Variants in DPP10 observed in about 807,000 individuals in gnomAD.
DPP10 encodes the protein inactive dipeptidyl peptidase 10.
In DPP10, 33 loss-of-function variants were observed where a neutral mutation model predicts 120.9. The ratio of observed to expected loss-of-function variants is 0.27; its 90% CI spans 0.21 to 0.37. DPP10 has a LOEUF of 0.37. DPP10 is among the 10% of genes least tolerant of loss of function. The probability of loss-of-function intolerance (pLI) is 1.00; values close to 1 mark genes in which losing one functional copy is unlikely to be tolerated. For synonymous variants in DPP10, 337 were observed against 326.1 expected (o/e 1.03, Z -0.36); for missense variants, 816 against 942.8 (o/e 0.87, Z 1.76).
intron 3 of DPP10, among the ~76,000 whole-genome samples, chr2:115,481,529 T>C (rs1359160869): frequency 6.6e-6 from 1 of 152,136 alleles, no homozygotes; most frequent in Non-Finnish European, 1.5e-5. Context: ...CTGGGTTCAA[T>C]GAGGCTTTTT....
At chr2:115,579,291 A>G (rs1202110575) in intron 5 of DPP10, 1 of 152,212 alleles carries the variant, frequency 6.6e-6, no homozygotes, top group South Asian at 2.1e-4. Flanking sequence ...CACAGATGTG[A>G]CAACTGCCCC....
intron 5 of DPP10, among the ~76,000 whole-genome samples, chr2:115,678,327 G>C (rs58839648): frequency 0.053 from 8,026 of 152,308 alleles, 711 homozygotes; most frequent in African/African-American, 0.18. Context: ...CCCCTGCTGT[G>C]TGCAGCCTTG....
intron 1 of DPP10, among the ~76,000 whole-genome samples, chr2:115,252,768 C>A (rs186391055): frequency 6.6e-6 from 1 of 152,284 alleles, no homozygotes; most frequent in African/African-American, 2.4e-5. Context: ...TCTCTGGTCT[C>A]AAACTAATTG....
intron 2 of DPP10, among the ~76,000 whole-genome samples, chr2:115,317,548 A>G (rs1210541329): frequency 6.6e-6 from 1 of 152,104 alleles, no homozygotes; most frequent in Admixed American, 6.5e-5. Flanking sequence ...ACTATTTGCC[A>G]CAGCAGCTGA....
chr2:115,647,217 G>A (rs2087339334), intron 5 of DPP10, among the ~76,000 whole-genome samples: 1 of 152,052 alleles, frequency 6.6e-6, no homozygotes, highest in Non-Finnish European at 1.5e-5. Flanking sequence ...GGCTCCCTTT[G>A]GGTTTAACCG....
chr2:115,462,145 A>C (rs188465268), intron 3 of DPP10, among the ~76,000 whole-genome samples: 1 of 152,108 alleles, frequency 6.6e-6, no homozygotes, highest in South Asian at 2.1e-4. Flanking sequence ...CTGCTCTCCA[A>C]ACTTCTGTGA....
intron 5 of DPP10, among the ~76,000 whole-genome samples, chr2:115,595,350 A>G (rs541720742): frequency 1.3e-5 from 2 of 152,218 alleles, no homozygotes; most frequent in Non-Finnish European, 2.9e-5. Flanking sequence ...TTACTTTTCA[A>G]TAGCATATTA....
In DPP10 at chr2:115,799,427, T is replaced by A. The variant is rs537925011; in HGVS notation, c.1700+8071T>A. Among the ~76,000 whole-genome samples, 3 of 152,130 alleles carry A rather than the reference T, an allele frequency of 2.0e-5. No individual in the cohort carries two copies. The East Asian group carries it at 5.8e-4, about 29-fold the overall frequency. Reference sequence around the variant, plus strand: ...TTACACACTTCCTATGCTTTTATTTTTTCTTTTTTTATTAATATTATTATA... The same window carrying A: ...TTACACACTTCCTATGCTTTTATTTATTCTTTTTTTATTAATATTATTATA... On this transcript the variant is annotated intron_variant, in intron 19 of 25. Coordinates refer to ENST00000410059, the MANE Select transcript of DPP10 (RefSeq NM_020868.6).
At chr2:115,791,000 T>G in intron 17 of DPP10, 81 bp from the exon 18 acceptor site, 1 of 938,386 alleles carries the variant, frequency 1.1e-6, no homozygotes, top group Non-Finnish European at 1.6e-6. Flanking sequence ...TGGTAACAAG[T>G]GGATAATTTT....
chr2:114,985,208 T>C (rs1355640822), intron 1 of DPP10, among the ~76,000 whole-genome samples: 3 of 152,194 alleles, frequency 2.0e-5, no homozygotes, highest in Non-Finnish European at 2.9e-5. Flanking sequence ...ACACTGTCTC[T>C]TGACTTTGTA....
At chr2:114,882,274 C>A (rs1484076242) in intron 1 of DPP10, among the ~76,000 whole-genome samples, 7 of 151,834 alleles carry the variant, frequency 4.6e-5, no homozygotes. Context: ...TATCAGCCAA[C>A]AGGTGGATAA....
chr2:115,189,632 A>G (rs2054720601), intron 1 of DPP10, among the ~76,000 whole-genome samples: 1 of 152,180 alleles, frequency 6.6e-6, no homozygotes, highest in Non-Finnish European at 1.5e-5. Context: ...AGACTTCCTT[A>G]ACATGACTTG....
rs952211093 is a variant in DPP10 at position 114,889,099 on chromosome 2, G to T, written c.61-420140G>T. ...CATGTGAAAACACTAGAGAAGGATGGTCATCTACAAGCCAAGGAGAGAGGC... is the reference window on the plus strand; with the variant it reads ...CATGTGAAAACACTAGAGAAGGATGTTCATCTACAAGCCAAGGAGAGAGGC... On this transcript the variant is annotated intron_variant, in intron 1 of 25. Coordinates refer to ENST00000410059, the MANE Select transcript of DPP10 (RefSeq NM_020868.6). 4.6e-5 allele frequency among the ~76,000 whole-genome samples: 7 copies of T among 152,228 alleles called. No homozygotes were observed. The East Asian group carries it at 1.4e-3, about 29-fold the overall frequency.
At chr2:114,994,960 A>G (rs886339986) in intron 1 of DPP10, among the ~76,000 whole-genome samples, 1 of 150,066 alleles carries the variant, frequency 6.7e-6, no homozygotes, top group African/African-American at 2.5e-5. Context: ...ATTCTCAAGC[A>G]CTCCCTGTAT....
intron 1 of DPP10, among the ~76,000 whole-genome samples, chr2:114,897,884 T>C (rs1300201482): frequency 2.6e-5 from 4 of 151,688 alleles, no homozygotes; most frequent in Non-Finnish European, 5.9e-5. Context: ...ATAGGAACAC[T>C]TTTACACTGT....
chr2:114,929,442 C>T (rs958006815), intron 1 of DPP10, among the ~76,000 whole-genome samples: 2 of 152,154 alleles, frequency 1.3e-5, no homozygotes, highest in African/African-American at 4.8e-5. Context: ...ATAAGACAGA[C>T]ACTCCCAGAG....
At chr2:115,107,884 A>C (rs114523779) in intron 1 of DPP10, among the ~76,000 whole-genome samples, 1,778 of 152,266 alleles carry the variant, frequency 0.012, 38 homozygotes, top group African/African-American at 0.041. Context: ...TATTAATATA[A>C]TCTCATCTTT....
At chr2:115,708,374 C>T (rs1488952951) in intron 7 of DPP10, among the ~76,000 whole-genome samples, 2 of 151,784 alleles carry the variant, frequency 1.3e-5, no homozygotes, top group Admixed American at 6.6e-5. Flanking sequence ...ATTAAAAGAC[C>T]GTGGTAAGTA....
chr2:114,592,858 G>C (rs1691577410), intron 1 of DPP10, among the ~76,000 whole-genome samples: 1 of 152,086 alleles, frequency 6.6e-6, no homozygotes. Flanking sequence ...AAATGTTTAT[G>C]TGTCTTGAAG....
Sources: gnomAD v4.1 joint callset for allele counts (sites outside exome capture counted in the v4.1 genomes callset) on GRCh38, gnomAD v4.1.1 for gene constraint, MANE v1.5 for transcripts, NCBI Gene and HGNC (gene_info 2026-07-23, HGNC 2026-07-21) for gene names.